Variants in MSRB3 observed in about 807,000 individuals in gnomAD.
The protein encoded by MSRB3 is methionine sulfoxide reductase B3.
In MSRB3, 13 loss-of-function variants were observed where a neutral mutation model predicts 21.0. That is an observed-to-expected ratio of 0.62 (90% CI 0.40 to 0.98). MSRB3 has a LOEUF of 0.98. MSRB3 is among the 50% of genes least tolerant of loss of function. The pLI is 0.00. For missense variants in MSRB3, 199 were observed against 230.3 expected (o/e 0.86, Z 0.88); for synonymous variants, 87 against 88.6 (o/e 0.98, Z 0.10).
At chr12:65,386,162 G>A (rs956563351) in intron 5 of MSRB3, among the ~76,000 whole-genome samples, 4 of 151,768 alleles carry the variant, frequency 2.6e-5, no homozygotes, top group Non-Finnish European at 5.9e-5. Context: ...ACTGTTTCTT[G>A]TATCCTGTCT....
chr12:65,421,959 C>T (rs901936938), intron 5 of MSRB3, among the ~76,000 whole-genome samples: 1 of 152,130 alleles, frequency 6.6e-6, no homozygotes, highest in Admixed American at 6.5e-5. Context: ...AAACAAGACT[C>T]AATGGTATGC....
At chr12:65,366,612 C>T (rs556685320) in intron 4 of MSRB3, among the ~76,000 whole-genome samples, 28 of 152,098 alleles carry the variant, frequency 1.8e-4, no homozygotes, top group East Asian at 5.8e-4. Flanking sequence ...ATGTAGAATC[C>T]GCAGATCTTG....
intron 2 of MSRB3, among the ~76,000 whole-genome samples, chr12:65,310,169 G>A (rs996317768): frequency 6.6e-6 from 1 of 152,032 alleles, no homozygotes; most frequent in Non-Finnish European, 1.5e-5. Context: ...GGTGACATGA[G>A]GGGCTAATGA....
intron 5 of MSRB3, among the ~76,000 whole-genome samples, chr12:65,398,318 G>A (rs921379748): frequency 6.6e-6 from 1 of 152,098 alleles, no homozygotes; most frequent in Non-Finnish European, 1.5e-5. Context: ...GGTGTGAGAT[G>A]GTATCTCATT....
At chr12:65,453,283 A>G (rs1179501655) in intron 5 of MSRB3, among the ~76,000 whole-genome samples, 2 of 152,208 alleles carry the variant, frequency 1.3e-5, no homozygotes, top group Non-Finnish European at 2.9e-5. Context: ...TAGGTACTGA[A>G]AAAGCTTGCT....
intron 5 of MSRB3, among the ~76,000 whole-genome samples, chr12:65,413,833 G>T (rs1281848699): frequency 1.3e-5 from 2 of 152,082 alleles, no homozygotes; most frequent in Non-Finnish European, 2.9e-5. Flanking sequence ...GAAGACAGGG[G>T]TACAGTCACA....
intron 4 of MSRB3, among the ~76,000 whole-genome samples, chr12:65,368,039 T>G (rs192462759): frequency 1.3e-5 from 2 of 152,296 alleles, no homozygotes; most frequent in Admixed American, 1.3e-4. Context: ...TTCCCTTTCC[T>G]CCTTTGATGA....
intron 5 of MSRB3, among the ~76,000 whole-genome samples, chr12:65,446,800 T>C (rs1882638467): frequency 6.6e-6 from 1 of 152,156 alleles, no homozygotes; most frequent in Non-Finnish European, 1.5e-5. Context: ...CCAAAATATG[T>C]ACAAGAGTTG....
chr12:65,350,487 A>G (rs1004270323), intron 4 of MSRB3, among the ~76,000 whole-genome samples: 4 of 151,518 alleles, frequency 2.6e-5, no homozygotes, highest in African/African-American at 7.3e-5. Context: ...TAAATGGACT[A>G]AATGCTCCAA....
At chr12:65,293,213 T>G (rs1472486000) in intron 1 of MSRB3, among the ~76,000 whole-genome samples, 1 of 152,180 alleles carries the variant, frequency 6.6e-6, no homozygotes, top group Admixed American at 6.5e-5. Flanking sequence ...CCTGTGTCAT[T>G]TCTTTGCCTA....
intron 4 of MSRB3, among the ~76,000 whole-genome samples, chr12:65,339,395 G>C (rs1261113552): frequency 6.6e-6 from 1 of 152,204 alleles, no homozygotes; most frequent in Admixed American, 6.5e-5. Flanking sequence ...ACAACCAACA[G>C]AATGGTAAAT....
intron 5 of MSRB3, among the ~76,000 whole-genome samples, chr12:65,422,011 G>C (rs1444339548): frequency 6.6e-6 from 1 of 152,088 alleles, no homozygotes; most frequent in Non-Finnish European, 1.5e-5. Flanking sequence ...ACATGCATAG[G>C]CTCAAAATAA....
chr12:65,406,818 A>G (rs1039456866), intron 5 of MSRB3, among the ~76,000 whole-genome samples: 2 of 152,274 alleles, frequency 1.3e-5, no homozygotes, highest in East Asian at 1.9e-4. Flanking sequence ...TGTAGGATTA[A>G]TGCCTTATAC....
intron 1 of MSRB3, chr12:65,279,125 G>A: frequency 7.4e-7 from 1 of 1,344,376 alleles, no homozygotes; most frequent in Non-Finnish European, 9.7e-7. Context: ...CAGCCTCACT[G>A]ACACCTTATC....
chr12:65,291,194 T>A (rs1028306412), intron 1 of MSRB3, among the ~76,000 whole-genome samples: 1 of 152,030 alleles, frequency 6.6e-6, no homozygotes, highest in Admixed American at 6.6e-5. Context: ...CAAGTGATTC[T>A]CCTACCTCAG....
intron 4 of MSRB3, among the ~76,000 whole-genome samples, chr12:65,336,195 C>T (rs1565840272): frequency 1.3e-5 from 2 of 152,018 alleles, no homozygotes; most frequent in Non-Finnish European, 1.5e-5. Flanking sequence ...AAAGGACTTG[C>T]TTGAGACAGG....
chr12:65,430,144 A>G (rs554283080), intron 5 of MSRB3, among the ~76,000 whole-genome samples: 1 of 152,266 alleles, frequency 6.6e-6, no homozygotes, highest in African/African-American at 2.4e-5. Flanking sequence ...AAAAGGCTTC[A>G]GGGTAACAGT....
At chr12:65,326,680 A>G in intron 2 of MSRB3, 146 bp from the exon 3 acceptor site, 1 of 674,828 alleles carries the variant, frequency 1.5e-6, no homozygotes. Flanking sequence ...AATCAGCTGC[A>G]GTTCAGGTAA....
intron 4 of MSRB3, among the ~76,000 whole-genome samples, chr12:65,366,243 T>C (rs947186237): frequency 1.3e-5 from 2 of 152,004 alleles, no homozygotes; most frequent in Non-Finnish European, 2.9e-5. Flanking sequence ...GGCCAAGGGG[T>C]CCCTCCAGCC....
Sources: allele counts gnomAD v4.1 joint callset (sites outside exome capture counted in the v4.1 genomes callset), GRCh38; gene constraint gnomAD v4.1.1; transcripts MANE v1.5; gene names NCBI Gene and HGNC (gene_info 2026-07-23, HGNC 2026-07-21).